The following FHIT variants were observed in gnomAD, a reference collection of about 807,000 sequenced individuals.
FHIT encodes fragile histidine triad diadenosine triphosphatase.
Under a neutral mutation model 17.9 loss-of-function variants are expected in FHIT, and 19 were observed. The observed-to-expected ratio is 1.06, with a 90% CI of 0.74 to 1.56. The LOEUF (loss-of-function observed/expected upper bound fraction) is 1.56. Ranked by LOEUF, FHIT falls within the 40% of genes most tolerant of loss-of-function variation. The pLI is 0.00. For missense variants in FHIT, 248 were observed against 189.2 expected, an observed-to-expected ratio of 1.31 and a Z score of -1.82; for synonymous variants, 81 against 69.7, an observed-to-expected ratio of 1.16 and a Z score of -0.81.
chr3:61,121,874 G>T (rs563060103), intron 2 of FHIT, among the ~76,000 whole-genome samples: 1 of 152,192 alleles, frequency 6.6e-6, no homozygotes, highest in Admixed American at 6.5e-5. Flanking sequence ...CAAAATAAAC[G>T]TATGGAGGAA....
At chr3:60,677,764 T>G (rs138728393) in intron 4 of FHIT, among the ~76,000 whole-genome samples, 1 of 152,150 alleles carries the variant, frequency 6.6e-6, no homozygotes. Flanking sequence ...TTTGCACATT[T>G]TGTAGAATTT....
chr3:60,906,997 AT>A (rs1268416301), intron 3 of FHIT, among the ~76,000 whole-genome samples: 1 of 152,144 alleles, frequency 6.6e-6, no homozygotes, highest in African/African-American at 2.4e-5. Flanking sequence ...GAAATGTATA[AT>A]AATACAAAGA....
chr3:60,571,335 CAAAAAAAA>C (rs56094072), intron 4 of FHIT, among the ~76,000 whole-genome samples: 4,037 of 54,126 alleles, frequency 0.075, 100 homozygotes, highest in East Asian at 0.18. Context: ...GACTCCATCG[CAAAAAAAA>C]AAAAAAAAAA....
intron 5 of FHIT, among the ~76,000 whole-genome samples, chr3:60,404,516 C>A (rs1026113025): frequency 6.6e-6 from 1 of 152,132 alleles, no homozygotes; most frequent in Admixed American, 6.5e-5. Context: ...AGGTAGGCTT[C>A]CATAAACCTA....
intron 2 of FHIT, among the ~76,000 whole-genome samples, chr3:61,178,280 C>T (rs1201039997): frequency 1.3e-5 from 2 of 151,964 alleles, no homozygotes; most frequent in African/African-American, 4.8e-5. Flanking sequence ...CTCTCACCCT[C>T]ATTTTCAGAG....
At chr3:60,386,186 G>T (rs1432543827) in intron 5 of FHIT, among the ~76,000 whole-genome samples, 1 of 152,056 alleles carries the variant, frequency 6.6e-6, no homozygotes, top group African/African-American at 2.4e-5. Flanking sequence ...GGTCTCTTCT[G>T]CCTCTGGAAG....
At chr3:60,494,638 A>G (rs535536294) in intron 5 of FHIT, among the ~76,000 whole-genome samples, 2 of 152,184 alleles carry the variant, frequency 1.3e-5, no homozygotes, top group Admixed American at 6.5e-5. Flanking sequence ...TATCCTTCCC[A>G]GCTTCTGGTA....
At chr3:60,366,764 T>C (rs1576546260) in intron 5 of FHIT, among the ~76,000 whole-genome samples, 1 of 152,190 alleles carries the variant, frequency 6.6e-6, no homozygotes, top group East Asian at 1.9e-4. Flanking sequence ...ATCTCTTTTC[T>C]TTATAAATTA....
intron 1 of FHIT, among the ~76,000 whole-genome samples, chr3:61,211,954 G>A (rs748541193): frequency 2.6e-5 from 4 of 152,188 alleles, no homozygotes; most frequent in Admixed American, 6.5e-5. Context: ...GTCCTGTCTC[G>A]TAGAAGGAAA....
rs147684274 is a variant in FHIT, at chr3:60,950,163, G to C, written c.-111+91884C>G. On this transcript the variant is annotated intron_variant, in intron 3 of 9. Transcript: ENST00000492590. ...ATTCAGTAAAGTGATGCTCACAAGA[G>C]TATGAAATTGTCTAATGACACAGTT... Among the ~76,000 whole-genome samples, 578 of 152,266 alleles carry C rather than the reference G, an allele frequency of 3.8e-3. 2 individuals carry two copies. The highest frequency in any genetic ancestry group is 0.013 in the African/African-American group (543 of 41,552).
intron 3 of FHIT, among the ~76,000 whole-genome samples, chr3:60,941,778 T>A (rs1708416394): frequency 6.6e-6 from 1 of 152,176 alleles, no homozygotes; most frequent in Non-Finnish European, 1.5e-5. Flanking sequence ...CATACCACAC[T>A]GCTTTGATAT....
At chr3:60,204,547 T>A (rs1386565836) in intron 5 of FHIT, among the ~76,000 whole-genome samples, 5 of 151,514 alleles carry the variant, frequency 3.3e-5, no homozygotes, top group South Asian at 2.1e-4. Flanking sequence ...TGCCTCGGCC[T>A]CCCAAAGTGC....
chr3:60,272,991 G>C (rs1193084874), intron 5 of FHIT, among the ~76,000 whole-genome samples: 1 of 152,208 alleles, frequency 6.6e-6, no homozygotes, highest in East Asian at 1.9e-4. Context: ...CGCCTAGGTA[G>C]CTAACCTGCT....
At chr3:60,106,239 A>C (rs1193009853) in intron 5 of FHIT, among the ~76,000 whole-genome samples, 2 of 152,198 alleles carry the variant, frequency 1.3e-5, no homozygotes, top group African/African-American at 2.4e-5. Flanking sequence ...TGATGCTGTA[A>C]ATTTGGATAT....
chr3:60,696,312 G>A (rs1439883655), intron 4 of FHIT, among the ~76,000 whole-genome samples: 3 of 152,140 alleles, frequency 2.0e-5, no homozygotes, highest in Non-Finnish European at 4.4e-5. Flanking sequence ...GTGAATTTCA[G>A]TACATTCAAA....
At chr3:60,797,868 TATA>T (rs1344536675) in intron 4 of FHIT, among the ~76,000 whole-genome samples, 2 of 152,122 alleles carry the variant, frequency 1.3e-5, no homozygotes, top group African/African-American at 4.8e-5. Context: ...AATTCTAATG[TATA>T]ATTTTGAATA....
rs1160382154 is a variant in FHIT at position 60,678,909 on chromosome 3, C to T, written c.-17-141930G>A. ...ATCAGTGGCATAATAAATATCATCTCGTTTTCCATCTTAAGGACTTTAGTA... is the reference window on the plus strand; with the variant it reads ...ATCAGTGGCATAATAAATATCATCTTGTTTTCCATCTTAAGGACTTTAGTA... On this transcript the variant is annotated intron_variant, in intron 4 of 9. Transcript: ENST00000492590. Among the ~76,000 whole-genome samples, 7 of 150,624 alleles carry T rather than the reference C, an allele frequency of 4.6e-5. No individual in the cohort carries two copies. In the East Asian group the frequency reaches 9.7e-4, roughly 21 times the overall value.
chr3:60,206,788 A>G (rs562628987), intron 5 of FHIT, among the ~76,000 whole-genome samples: 1 of 152,114 alleles, frequency 6.6e-6, no homozygotes, highest in East Asian at 1.9e-4. Flanking sequence ...GTGTAATAAT[A>G]AAAGAGGCTG....
At chr3:60,188,342 G>A (rs903203001) in intron 5 of FHIT, among the ~76,000 whole-genome samples, 5 of 149,886 alleles carry the variant, frequency 3.3e-5, no homozygotes. Flanking sequence ...AAAATAAATA[G>A]ATCACACCGT....
Sources: allele counts gnomAD v4.1 joint callset (sites outside exome capture counted in the v4.1 genomes callset), GRCh38; gene constraint gnomAD v4.1.1; transcripts MANE v1.5; gene names NCBI Gene and HGNC (gene_info 2026-07-23, HGNC 2026-07-21).